Variants in EPN1 observed in about 807,000 individuals in gnomAD.
The protein encoded by EPN1 is epsin 1.
A neutral mutation model predicts 56.9 loss-of-function variants in EPN1; 25 were observed. The ratio of observed to expected loss-of-function variants is 0.44; its 90% CI spans 0.32 to 0.61. The LOEUF (loss-of-function observed/expected upper bound fraction) is 0.61. Ranked by LOEUF, EPN1 falls within the 20% of genes least tolerant of loss-of-function variation. The pLI is 0.05. For synonymous variants in EPN1, 411 were observed against 361.8 expected, an observed-to-expected ratio of 1.14 and a Z score of -1.54; for missense variants, 785 against 823.7, an observed-to-expected ratio of 0.95 and a Z score of 0.58.
rs914216082 is a variant in EPN1, at chr19:55,693,308, T to G, written c.1264+271T>G. 1.4e-5 allele frequency: 6 copies of G among 436,944 alleles called. No homozygotes were observed. The East Asian group carries it at 2.0e-4, about 15-fold the overall frequency. The allele number at this position is 436,944 out of a possible 1,614,324, so 27.1% of individuals were successfully genotyped here. On this transcript the variant is annotated intron_variant, in intron 9 of 10. Coordinates refer to ENST00000270460, the MANE Select transcript of EPN1 (RefSeq NM_001130072.2). ...TGTTGACCTCTGACCCGTCTCTGCC[T>G]CCACGTTGCTTGAGTGCCTTGCAAA...
chr19:55,705,967 CTT>C lies in EPN1; in HGVS notation c.*10612_*10613del, dbSNP rs1457918176. 1 of 157,436 alleles carries C rather than the reference CTT, an allele frequency of 6.4e-6. No individual in the cohort carries two copies. Among genetic ancestry groups the C allele is most frequent in the Non-Finnish European group, 1.4e-5 (1 of 71,626 alleles). 9.8% of individuals were successfully genotyped at this position (157,436 alleles called of 1,614,324 possible). On this transcript the variant is annotated 3_prime_UTR_variant, in exon 11 of 11. Transcript: ENST00000270460. ...GTATAAAGTGTAAGACAAAATAAGT[CTT>C]AGTTCAGGTATGCTGGATGGGAAGC...
At position 55,704,615 on chromosome 19, in the gene EPN1, A is replaced by G. The variant is rs1987305395; in HGVS notation, c.*9259A>G. 2 of 152,154 alleles carry G rather than the reference A, an allele frequency of 1.3e-5. No homozygotes were observed. The allele number at this position is 152,154 out of a possible 1,614,324, so 9.4% of individuals were successfully genotyped here. A position where few individuals can be genotyped will look rare whatever the true frequency, so the allele number is the denominator to read the frequency against. On this transcript the variant is annotated 3_prime_UTR_variant, in exon 11 of 11. Coordinates refer to ENST00000270460, the MANE Select transcript of EPN1 (RefSeq NM_001130072.2). Reference sequence around the variant, plus strand: ...GGTACTTTGTTATGACAGCCCTAACATGAATGCAGCCATCCACACTGTCTG... The same window carrying G: ...GGTACTTTGTTATGACAGCCCTAACGTGAATGCAGCCATCCACACTGTCTG...
intron 2 of EPN1, among the ~76,000 whole-genome samples, chr19:55,681,649 C>T (rs921800066): frequency 1.3e-5 from 2 of 152,196 alleles, no homozygotes; most frequent in Non-Finnish European, 2.9e-5. Flanking sequence ...GAAATGTTTG[C>T]TGATCCCTGT....
chr19:55,693,426 G>A (rs570639050), intron 9 of EPN1: 16 of 164,566 alleles, frequency 9.7e-5, no homozygotes, highest in Admixed American at 1.9e-4. Flanking sequence ...CTCCCCTTCC[G>A]GGTCGCCACT....
At chr19:55,675,863 C>A (rs1027020989) in intron 1 of EPN1, among the ~76,000 whole-genome samples, 1 of 152,164 alleles carries the variant, frequency 6.6e-6, no homozygotes, top group Non-Finnish European at 1.5e-5. Context: ...ATCTTACCCC[C>A]GCCCCGTCTT....
intron 2 of EPN1, among the ~76,000 whole-genome samples, chr19:55,684,461 C>T (rs1007114827): frequency 2.6e-5 from 4 of 152,142 alleles, no homozygotes; most frequent in Non-Finnish European, 5.9e-5. Context: ...CTTGGTCCCC[C>T]CGCCCCCACT....
In EPN1 at chr19:55,708,902, G is replaced by C. The variant is rs1987564335; in HGVS notation, c.*13546G>C. ...GCCTTTGTGAGACGACTACTTCAGG[G>C]TGTTCCCCATCAGAGGAGCACACCC... is the stretch of plus-strand genomic sequence containing the variant. On this transcript the variant is annotated 3_prime_UTR_variant, in exon 11 of 11. Transcript: ENST00000270460. 1 of 1,531,326 alleles carries C rather than the reference G, an allele frequency of 6.5e-7. No homozygotes were observed. The highest frequency in any genetic ancestry group is 8.7e-7 in the Non-Finnish European group (1 of 1,147,508). 94.9% of individuals were successfully genotyped at this position (1,531,326 alleles called of 1,614,324 possible).
rs975413821 is a variant in EPN1 at position 55,704,309 on chromosome 19, C to T, written c.*8953C>T. On this transcript the variant is annotated 3_prime_UTR_variant, in exon 11 of 11. Coordinates refer to ENST00000270460, the MANE Select transcript of EPN1 (RefSeq NM_001130072.2). ...TCTATGTTGAAACCCTACCCCCCAC[C>T]CTGCACCGACCCCGTACCCCAGAAT... The T allele has an allele frequency of 6.6e-6, 1 of 152,360 alleles. No homozygotes were observed. The highest frequency in any genetic ancestry group is 2.4e-5 in the African/African-American group (1 of 41,450). 9.4% of individuals were successfully genotyped at this position (152,360 alleles called of 1,614,324 possible).
In EPN1 at chr19:55,702,748, TGCATTTATTCGTTCATCTAAGCC is replaced by T. The variant is rs2122241440; in HGVS notation, c.*7400_*7422del. 6.6e-6 allele frequency: 1 copy of T among 152,296 alleles called. No individual in the cohort carries two copies. The highest frequency in any genetic ancestry group is 2.1e-4 in the South Asian group (1 of 4,822). 9.4% of individuals were successfully genotyped at this position (152,296 alleles called of 1,614,324 possible). A position where few individuals can be genotyped will look rare whatever the true frequency, so the allele number is the denominator to read the frequency against. On this transcript the variant is annotated 3_prime_UTR_variant, in exon 11 of 11. Coordinates refer to ENST00000270460, the MANE Select transcript of EPN1 (RefSeq NM_001130072.2). ...ATTGATTTCAGGTAGAATGGGTGAA[TGCATTTATTCGTTCATCTAAGCC>T]GCATTTACTCCTTTCTTTTCTTTCA...
rs1283386740 is a variant in EPN1 at position 55,691,248 on chromosome 19, G to A, written c.763-506G>A. Reference sequence around the variant, plus strand: ...GACTGCGGGGTGACGGCGGGGCAACGTAGGGGGCATCGTGAGGGGTGCTCA... The same window carrying A: ...GACTGCGGGGTGACGGCGGGGCAACATAGGGGGCATCGTGAGGGGTGCTCA... On this transcript the variant is annotated intron_variant, in intron 6 of 10. Coordinates refer to ENST00000270460, the MANE Select transcript of EPN1 (RefSeq NM_001130072.2). This position sits in a 1 kb window ranked among gnomAD's most constrained non-coding sequence, Gnocchi z 5.6. Among the ~76,000 whole-genome samples the A allele has an allele frequency of 6.6e-6, 1 of 152,134 alleles. No homozygotes were observed. The highest frequency in any genetic ancestry group is 1.5e-5 in the Non-Finnish European group (1 of 68,020).
Position 55,694,396 on chromosome 19 carries a change from G to A in EPN1, c.1265-330G>A, listed in dbSNP as rs904599182. ...TGAGCCTGGAGGCACCTGTGAACAC[G>A]CCCCCGCTGCCTTCCCCCGCGGGCC... On this transcript the variant is annotated intron_variant, in intron 9 of 10. Transcript: ENST00000270460. The surrounding 1 kb of genome is among the most constrained non-coding windows in gnomAD (Gnocchi z 4.2). 1.8e-5 allele frequency: 5 copies of A among 275,616 alleles called. No individual in the cohort carries two copies. Among genetic ancestry groups the A allele is most frequent in the African/African-American group, 4.4e-5 (2 of 45,570 alleles). The allele number at this position is 275,616 out of a possible 1,614,324, so 17.1% of individuals were successfully genotyped here.
At position 55,698,599 on chromosome 19, in the gene EPN1, G is replaced by A. The variant is rs779593630; in HGVS notation, c.*3243G>A. 2 of 152,378 alleles carry A rather than the reference G, an allele frequency of 1.3e-5. No individual in the cohort carries two copies. Among genetic ancestry groups the A allele is most frequent in the African/African-American group, 2.4e-5 (1 of 41,432 alleles). The allele number at this position is 152,378 out of a possible 1,614,324, so 9.4% of individuals were successfully genotyped here. ...GCTCCTCGCCCTACGCTTGCCCCTCGCTCTGGAGCTGCGATGCCAGCCTCA... is the reference window on the plus strand; with the variant it reads ...GCTCCTCGCCCTACGCTTGCCCCTCACTCTGGAGCTGCGATGCCAGCCTCA... On this transcript the variant is annotated 3_prime_UTR_variant, in exon 11 of 11. Transcript: ENST00000270460.
chr19:55,677,996 G>A (rs1293742093), intron 1 of EPN1, among the ~76,000 whole-genome samples: 1 of 152,242 alleles, frequency 6.6e-6, no homozygotes, highest in Admixed American at 6.5e-5. Flanking sequence ...AATCAGACGA[G>A]AATATAAAAT....
In EPN1 at chr19:55,696,013, C is replaced by G. The variant is rs1986893155; in HGVS notation, c.*657C>G. 1.3e-5 allele frequency: 2 copies of G among 152,628 alleles called. No individual in the cohort carries two copies. The highest frequency in any genetic ancestry group is 2.9e-5 in the Non-Finnish European group (2 of 68,428). 9.5% of individuals were successfully genotyped at this position (152,628 alleles called of 1,614,324 possible). On this transcript the variant is annotated 3_prime_UTR_variant, in exon 11 of 11. Transcript: ENST00000270460. ...GGAGGCCACTCATGGCCAGACGCTT[C>G]CGGTGCAGGAGGCCTTGCTCTTGTG... is the stretch of plus-strand genomic sequence containing the variant.
chr19:55,702,440 G>A lies in EPN1; in HGVS notation c.*7084G>A, dbSNP rs897234241. 4 of 152,214 alleles carry A rather than the reference G, an allele frequency of 2.6e-5. No individual in the cohort carries two copies. Among genetic ancestry groups the A allele is most frequent in the African/African-American group, 9.6e-5 (4 of 41,452 alleles). The allele number at this position is 152,214 out of a possible 1,614,324, so 9.4% of individuals were successfully genotyped here. A position where few individuals can be genotyped will look rare whatever the true frequency, so the allele number is the denominator to read the frequency against. ...TTCCCTTAGTGTGCCTAAAGAAAGGGAAAGGAATGTGCTTTAGGCCCACTG... is the reference window on the plus strand; with the variant it reads ...TTCCCTTAGTGTGCCTAAAGAAAGGAAAAGGAATGTGCTTTAGGCCCACTG... On this transcript the variant is annotated 3_prime_UTR_variant, in exon 11 of 11. Coordinates refer to ENST00000270460, the MANE Select transcript of EPN1 (RefSeq NM_001130072.2).
chr19:55,701,851 G>A lies in EPN1; in HGVS notation c.*6495G>A, dbSNP rs905591259. The A allele has an allele frequency of 6.6e-6, 1 of 152,056 alleles. No homozygotes were observed. The highest frequency in any genetic ancestry group is 2.4e-5 in the African/African-American group (1 of 41,388). The allele number at this position is 152,056 out of a possible 1,614,324, so 9.4% of individuals were successfully genotyped here. ...TAGAAGAAATGTCAGGGGTTTTATAGATGGGCTAGTGAGGAGGGGTGTCTT... is the reference window on the plus strand; with the variant it reads ...TAGAAGAAATGTCAGGGGTTTTATAAATGGGCTAGTGAGGAGGGGTGTCTT... On this transcript the variant is annotated 3_prime_UTR_variant, in exon 11 of 11. Coordinates refer to ENST00000270460, the MANE Select transcript of EPN1 (RefSeq NM_001130072.2).
rs1323034565 is a variant in EPN1 at position 55,706,280 on chromosome 19, C to CTTTTTTTTTTTTTTTTTTTTTTTT, written c.*10926_*10927insTTTTTTTTTTTTTTTTTTTTTTTT. The CTTTTTTTTTTTTTTTTTTTTTTTT allele has an allele frequency of 1.5e-5, 2 of 129,300 alleles. No individual in the cohort carries two copies. Among genetic ancestry groups the CTTTTTTTTTTTTTTTTTTTTTTTT allele is most frequent in the African/African-American group, 6.3e-5 (2 of 31,640 alleles). 8.0% of individuals were successfully genotyped at this position (129,300 alleles called of 1,614,324 possible). ...TTTCTTCCTTTCTTCTCTTTTTCTT[C>CTTTTTTTTTTTTTTTTTTTTTTTT]TTCTTTTTTTTTTTTTTTTAAAAGA... is the stretch of plus-strand genomic sequence containing the variant. On this transcript the variant is annotated 3_prime_UTR_variant, in exon 11 of 11. Coordinates refer to ENST00000270460, the MANE Select transcript of EPN1 (RefSeq NM_001130072.2).
rs12985023 is a variant in EPN1 at position 55,691,388 on chromosome 19, C to G, written c.763-366C>G. ...GAGGGAGGATCGAGCTGCTTCGGGTCGAGCGAGGGGAGGGCTTGGCCTCCA... is the reference window on the plus strand; with the variant it reads ...GAGGGAGGATCGAGCTGCTTCGGGTGGAGCGAGGGGAGGGCTTGGCCTCCA... On this transcript the variant is annotated intron_variant, in intron 6 of 10. Coordinates refer to ENST00000270460, the MANE Select transcript of EPN1 (RefSeq NM_001130072.2). This position sits in a 1 kb window ranked among gnomAD's most constrained non-coding sequence, Gnocchi z 5.6. 6.6e-6 allele frequency among the ~76,000 whole-genome samples: 1 copy of G among 151,784 alleles called. No homozygotes were observed. The highest frequency in any genetic ancestry group is 1.5e-5 in the Non-Finnish European group (1 of 67,918).
rs941063229 is a variant in EPN1, at chr19:55,699,445, C to A, written c.*4089C>A. 13 of 152,214 alleles carry A rather than the reference C, an allele frequency of 8.5e-5. No homozygotes were observed. Among genetic ancestry groups the A allele is most frequent in the African/African-American group, 1.2e-4 (5 of 41,446 alleles). 9.4% of individuals were successfully genotyped at this position (152,214 alleles called of 1,614,324 possible). A position where few individuals can be genotyped will look rare whatever the true frequency, so the allele number is the denominator to read the frequency against. On this transcript the variant is annotated 3_prime_UTR_variant, in exon 11 of 11. Transcript: ENST00000270460. ...TGGGTTGTCCAGCTCATCCCTCAAG[C>A]GCCATCCTGCCAGGCCCTTCACTGT...
Sources: gnomAD v4.1 joint callset for allele counts (sites outside exome capture counted in the v4.1 genomes callset) on GRCh38, gnomAD v4.1.1 for gene constraint, Gnocchi (gnomAD v3.1) non-coding constraint, MANE v1.5 for transcripts, NCBI Gene and HGNC (gene_info 2026-07-23, HGNC 2026-07-21) for gene names.